Variants in EPHA6 observed in about 807,000 individuals in gnomAD.
EPHA6 encodes ephrin type-A receptor 6.
EPHA6 carries 50 observed loss-of-function variants against 112.0 expected under a neutral mutation model. The observed-to-expected ratio is 0.45, with a 90% CI of 0.36 to 0.56. EPHA6 has a LOEUF of 0.56. EPHA6 is among the 20% of genes least tolerant of loss of function. The pLI is 0.00. For missense variants in EPHA6, 1,280 were observed against 1,417.4 expected (o/e 0.90, Z 1.56); for synonymous variants, 529 against 490.7 (o/e 1.08, Z -1.03).
chr3:97,524,216 G>A (rs2092586942), intron 10 of EPHA6, among the ~76,000 whole-genome samples: 1 of 151,674 alleles, frequency 6.6e-6, no homozygotes, highest in South Asian at 2.1e-4. Context: ...GTAGTAATAT[G>A]CTTTGATTCC....
intron 1 of EPHA6, among the ~76,000 whole-genome samples, chr3:96,858,678 C>T (rs571516458): frequency 1.8e-4 from 28 of 152,102 alleles, no homozygotes; most frequent in African/African-American, 5.8e-4. Context: ...TTGTTTTCTT[C>T]GTATGATGGA....
At chr3:96,940,560 A>G (rs1328000132) in intron 2 of EPHA6, among the ~76,000 whole-genome samples, 1 of 152,064 alleles carries the variant, frequency 6.6e-6, no homozygotes, top group Non-Finnish European at 1.5e-5. Context: ...CCAATTTTCC[A>G]GTCTGTGTCT....
At chr3:97,613,239 A>G (rs2093735578) in intron 13 of EPHA6, among the ~76,000 whole-genome samples, 1 of 152,212 alleles carries the variant, frequency 6.6e-6, no homozygotes, top group South Asian at 2.1e-4. Flanking sequence ...TAAAATATAT[A>G]AATATATATA....
At chr3:96,987,223 C>A in intron 2 of EPHA6, 107 bp from the exon 3 acceptor site, 1 of 943,180 alleles carries the variant, frequency 1.1e-6, no homozygotes, top group Non-Finnish European at 1.6e-6. Context: ...CATTTGTATC[C>A]TTTTAATTCA....
intron 3 of EPHA6, among the ~76,000 whole-genome samples, chr3:97,002,398 C>T: frequency 7.9e-6 from 1 of 126,132 alleles, no homozygotes; most frequent in Admixed American, 7.8e-5. Context: ...AATTTTTATT[C>T]ATGAGGGTTG....
chr3:97,126,782 C>G (rs2048192826), intron 3 of EPHA6, among the ~76,000 whole-genome samples: 1 of 150,408 alleles, frequency 6.6e-6, no homozygotes, highest in African/African-American at 2.4e-5. Flanking sequence ...TGAACTAAAA[C>G]TAGCATATTA....
chr3:97,564,177 C>A (rs1216473501), intron 11 of EPHA6, among the ~76,000 whole-genome samples: 2 of 151,990 alleles, frequency 1.3e-5, no homozygotes, highest in African/African-American at 2.4e-5. Flanking sequence ...TCATTTGATT[C>A]TATCTAAATC....
At chr3:97,637,294 A>C (rs1241381192) in intron 13 of EPHA6, among the ~76,000 whole-genome samples, 1 of 152,140 alleles carries the variant, frequency 6.6e-6, no homozygotes, top group Non-Finnish European at 1.5e-5. Context: ...TAATGAAAAA[A>C]ATGGAAAACT....
At chr3:97,204,431 C>G (rs1009776218) in intron 3 of EPHA6, among the ~76,000 whole-genome samples, 8 of 152,024 alleles carry the variant, frequency 5.3e-5, no homozygotes, top group African/African-American at 1.9e-4. Flanking sequence ...GTATTGTTTT[C>G]TTCCGTTCCA....
intron 1 of EPHA6, among the ~76,000 whole-genome samples, chr3:96,818,388 G>A (rs1243150225): frequency 6.6e-6 from 1 of 151,878 alleles, no homozygotes; most frequent in African/African-American, 2.4e-5. Flanking sequence ...TTAAGTCAAA[G>A]TATGGTATGG....
intron 1 of EPHA6, 86 bp downstream of exon 1, chr3:96,815,094 C>T (rs980238636): frequency 7.6e-7 from 1 of 1,322,906 alleles, no homozygotes; most frequent in East Asian, 2.6e-5. Flanking sequence ...CTGCAGGTAA[C>T]TTTGTACAGG....
intron 1 of EPHA6, among the ~76,000 whole-genome samples, chr3:96,845,745 G>C (rs760536136): frequency 6.6e-5 from 10 of 151,990 alleles, no homozygotes; most frequent in Non-Finnish European, 1.5e-4. Flanking sequence ...TTGATATGAA[G>C]GGTAAGATTC....
chr3:97,350,502 A>G (rs2083754558), intron 5 of EPHA6, among the ~76,000 whole-genome samples: 1 of 152,206 alleles, frequency 6.6e-6, no homozygotes, highest in South Asian at 2.1e-4. Flanking sequence ...CAATAAAAAG[A>G]AAGTAAATTA....
chr3:97,736,750 C>T (rs950929817), intron 16 of EPHA6, among the ~76,000 whole-genome samples: 1 of 151,642 alleles, frequency 6.6e-6, no homozygotes, highest in Non-Finnish European at 1.5e-5. Flanking sequence ...ATCTACTCAC[C>T]TCCCGGTGAA....
intron 3 of EPHA6, among the ~76,000 whole-genome samples, chr3:97,179,497 A>T (rs2076924755): frequency 6.6e-6 from 1 of 152,030 alleles, no homozygotes; most frequent in Non-Finnish European, 1.5e-5. Flanking sequence ...GCTTATTTGT[A>T]GTCAGTCTTT....
At chr3:96,894,974 A>G (rs978136449) in intron 2 of EPHA6, among the ~76,000 whole-genome samples, 6 of 152,230 alleles carry the variant, frequency 3.9e-5, no homozygotes, top group Non-Finnish European at 5.9e-5. Context: ...AAGAATGTTC[A>G]TGGTGTATTA....
intron 3 of EPHA6, among the ~76,000 whole-genome samples, chr3:96,991,945 C>T (rs2043232701): frequency 6.6e-6 from 1 of 152,116 alleles, no homozygotes. Context: ...TTTTCAAGGT[C>T]CCTGACTGCA....
chr3:96,984,155 T>C (rs2042925932), intron 2 of EPHA6, among the ~76,000 whole-genome samples: 1 of 152,180 alleles, frequency 6.6e-6, no homozygotes, highest in African/African-American at 2.4e-5. Flanking sequence ...TCAGCTTTTC[T>C]CCTCTGTTTT....
intron 3 of EPHA6, among the ~76,000 whole-genome samples, chr3:97,219,478 A>G (rs746114490): frequency 1.3e-5 from 2 of 152,220 alleles, no homozygotes; most frequent in African/African-American, 4.8e-5. Flanking sequence ...GCCCAACAGC[A>G]CATGGAAGCT....
Sources: allele counts gnomAD v4.1 joint callset (sites outside exome capture counted in the v4.1 genomes callset), GRCh38; gene constraint gnomAD v4.1.1; transcripts MANE v1.5; gene names NCBI Gene and HGNC (gene_info 2026-07-23, HGNC 2026-07-21).